Variants in CACNG4 observed in about 807,000 individuals in gnomAD.
The protein encoded by CACNG4 is calcium voltage-gated channel auxiliary subunit gamma 4.
In CACNG4, 8 loss-of-function variants were observed where a neutral mutation model predicts 22.9. The ratio of observed to expected loss-of-function variants is 0.35; its 90% CI spans 0.21 to 0.63. CACNG4 has a LOEUF of 0.63. CACNG4 is among the 30% of genes least tolerant of loss of function. The pLI, the probability that CACNG4 is intolerant of heterozygous loss-of-function variation, is 0.72. For synonymous variants in CACNG4, 188 were observed against 191.9 expected (o/e 0.98, Z 0.17); for missense variants, 357 against 455.4 (o/e 0.78, Z 1.97).
At chr17:67,009,352 C>T (rs1326779979) in intron 1 of CACNG4, among the ~76,000 whole-genome samples, 3 of 149,694 alleles carry the variant, frequency 2.0e-5, no homozygotes, top group Non-Finnish European at 2.9e-5. Flanking sequence ...CACTTCCATC[C>T]TGGCCTCCAG....
At chr17:66,991,840 G>C (rs139870051) in intron 1 of CACNG4, among the ~76,000 whole-genome samples, 15 of 152,288 alleles carry the variant, frequency 9.8e-5, no homozygotes, top group Non-Finnish European at 1.8e-4. Context: ...AGAAGCCAGA[G>C]GTGTGAAGGC....
intron 1 of CACNG4, among the ~76,000 whole-genome samples, chr17:66,982,056 G>A (rs2035278225): frequency 6.6e-6 from 1 of 152,178 alleles, no homozygotes; most frequent in Non-Finnish European, 1.5e-5. Flanking sequence ...CTGACCTCAA[G>A]AATGAAGCCA....
chr17:66,980,337 C>A (rs928926333), intron 1 of CACNG4, among the ~76,000 whole-genome samples: 6 of 152,146 alleles, frequency 3.9e-5, no homozygotes, highest in Non-Finnish European at 8.8e-5. Context: ...TTTTACAAAC[C>A]TTTATCACAT....
intron 3 of CACNG4, among the ~76,000 whole-genome samples, chr17:67,029,537 G>A (rs2035588554): frequency 6.6e-6 from 1 of 152,118 alleles, no homozygotes; most frequent in Non-Finnish European, 1.5e-5. Flanking sequence ...AGGAGGCTGA[G>A]GCGGGAGAAT....
At chr17:66,994,030 A>C (rs1250785989) in intron 1 of CACNG4, among the ~76,000 whole-genome samples, 1 of 152,150 alleles carries the variant, frequency 6.6e-6, no homozygotes, top group Non-Finnish European at 1.5e-5. Flanking sequence ...TAAAAAAAAA[A>C]AAACATTTTT....
intron 1 of CACNG4, among the ~76,000 whole-genome samples, chr17:66,973,572 T>C (rs962364011): frequency 1.3e-5 from 2 of 152,136 alleles, no homozygotes; most frequent in African/African-American, 2.4e-5. Context: ...TGGGCAAAGG[T>C]TGGGCAACAC....
At chr17:67,019,138 G>A (rs561623104) in intron 2 of CACNG4, among the ~76,000 whole-genome samples, 1 of 152,314 alleles carries the variant, frequency 6.6e-6, no homozygotes, top group Non-Finnish European at 1.5e-5. Flanking sequence ...CCTTGTTGAT[G>A]GAGAATCAAT....
chr17:66,974,268 G>C (rs993211819), intron 1 of CACNG4, among the ~76,000 whole-genome samples: 1 of 152,210 alleles, frequency 6.6e-6, no homozygotes, highest in African/African-American at 2.4e-5. Context: ...GTGGCCAGAG[G>C]TGTGTTCACA....
intron 1 of CACNG4, among the ~76,000 whole-genome samples, chr17:67,012,686 G>A (rs149288256): frequency 1.2e-3 from 181 of 152,266 alleles, no homozygotes; most frequent in African/African-American, 4.1e-3. Context: ...GTGCAGAGTC[G>A]TTCCCTCAGG....
At chr17:66,971,374 G>A (rs956994670) in intron 1 of CACNG4, among the ~76,000 whole-genome samples, 4 of 152,072 alleles carry the variant, frequency 2.6e-5, no homozygotes, top group Non-Finnish European at 5.9e-5. Flanking sequence ...ACACACACGG[G>A]CTACAAGTCA....
At chr17:66,999,405 C>T (rs2035394438) in intron 1 of CACNG4, among the ~76,000 whole-genome samples, 1 of 152,058 alleles carries the variant, frequency 6.6e-6, no homozygotes, top group Non-Finnish European at 1.5e-5. Context: ...GTGTATTAGT[C>T]CGTTTTTACA....
intron 1 of CACNG4, among the ~76,000 whole-genome samples, chr17:66,965,746 G>A (rs1048961642): frequency 3.3e-5 from 5 of 151,958 alleles, no homozygotes; most frequent in Admixed American, 2.6e-4. Flanking sequence ...GGTCGGAGCC[G>A]GGGTAGGGGC....
At chr17:67,004,722 A>G (rs962521419) in intron 1 of CACNG4, among the ~76,000 whole-genome samples, 4 of 152,018 alleles carry the variant, frequency 2.6e-5, no homozygotes, top group Non-Finnish European at 5.9e-5. Flanking sequence ...TTGATCCACA[A>G]AGAGGACTTT....
intron 1 of CACNG4, among the ~76,000 whole-genome samples, chr17:67,005,466 C>T (rs77612369): frequency 0.035 from 5,329 of 152,286 alleles, 286 homozygotes; most frequent in East Asian, 0.23. Context: ...TGCACAGGTG[C>T]TCACAACACA....
At chr17:66,997,225 G>A (rs2035380689) in intron 1 of CACNG4, among the ~76,000 whole-genome samples, 1 of 152,200 alleles carries the variant, frequency 6.6e-6, no homozygotes, top group Non-Finnish European at 1.5e-5. Flanking sequence ...AACTAGGGCA[G>A]GGCAGTGTGG....
chr17:67,030,902 C>T lies in CACNG4; in HGVS notation c.882C>T (p.Pro294=), dbSNP rs748271776. The change falls in exon 4 of 4, where the codon CCC becomes CCT. Residue 294 remains proline (P), a synonymous_variant. Coordinates refer to ENST00000262138, the MANE Select transcript of CACNG4 (RefSeq NM_014405.4). This position sits in a 1 kb window ranked among gnomAD's most constrained non-coding sequence, Gnocchi z 6.4. ...TGACCACCGCAGCCAGCTACAGCCC[C>T]GACCAGGAGGCCAGCTTCCTGCAGG... ...LKVTTAASYS[P]DQEASFLQVH... is the part of the protein sequence containing the mutation. 17 of 1,612,788 alleles carry T rather than the reference C, an allele frequency of 1.1e-5. No homozygotes were observed. The highest frequency in any genetic ancestry group is 1.3e-5 in the African/African-American group (1 of 74,932).
intron 1 of CACNG4, among the ~76,000 whole-genome samples, chr17:67,005,142 C>CTCA (rs1217010621): frequency 6.6e-6 from 1 of 152,220 alleles, no homozygotes; most frequent in African/African-American, 2.4e-5. Context: ...TCCTGGACCA[C>CTCA]TCAAGAACAC....
At chr17:67,016,361 G>A (rs1025729746) in intron 1 of CACNG4, among the ~76,000 whole-genome samples, 2 of 152,066 alleles carry the variant, frequency 1.3e-5, no homozygotes, top group East Asian at 2.0e-4. Context: ...GGCCCCCAGG[G>A]CCCATGGACC....
chr17:67,026,277 T>C (rs994359915), intron 3 of CACNG4, among the ~76,000 whole-genome samples: 1 of 148,442 alleles, frequency 6.7e-6, no homozygotes, highest in Admixed American at 6.7e-5. Flanking sequence ...GTGCGAGGAG[T>C]GTGGTGTGTT....
Sources: gnomAD v4.1 joint callset for allele counts (sites outside exome capture counted in the v4.1 genomes callset) on GRCh38, gnomAD v4.1.1 for gene constraint, Gnocchi (gnomAD v3.1) non-coding constraint, MANE v1.5 for transcripts, NCBI Gene and HGNC (gene_info 2026-07-23, HGNC 2026-07-21) for gene names.